The following SLC28A1 variants were observed in gnomAD, a reference collection of about 807,000 sequenced individuals.
SLC28A1 encodes the protein solute carrier family 28 member 1, also known as sodium/nucleoside cotransporter 1.
SLC28A1 carries 64 observed loss-of-function variants against 74.8 expected under a neutral mutation model. The observed-to-expected ratio is 0.86, with a 90% CI of 0.70 to 1.05. SLC28A1 has a LOEUF of 1.05. Among genes scored for constraint, SLC28A1 ranks in the 50% least tolerant of loss-of-function variants. The pLI is 0.00. For synonymous variants in SLC28A1, 359 were observed against 335.0 expected, an observed-to-expected ratio of 1.07 and a Z score of -0.78; for missense variants, 828 against 822.8, an observed-to-expected ratio of 1.01 and a Z score of -0.08.
At chr15:84,907,489 T>A (rs879668066) in intron 8 of SLC28A1, among the ~76,000 whole-genome samples, 5 of 152,074 alleles carry the variant, frequency 3.3e-5, no homozygotes, top group Admixed American at 6.5e-5. Context: ...TGGCCTTTTT[T>A]TAATTTTAGT....
At chr15:84,961,055 C>G in the SLC28A1 span, among the ~76,000 whole-genome samples, 1 of 152,070 alleles carries the variant, frequency 6.6e-6, no homozygotes, top group Non-Finnish European at 1.5e-5. Flanking sequence ...TGTGTGTCCT[C>G]GGGCAAGATA....
rs969380759 is a variant in SLC28A1, at chr15:84,895,500, T to A, written c.461+377T>A. ...GGGGATTCAGCAGGCTCGATCGGGG[T>A]CCAGGTGCTGGTATTTTTCATTAGC... On this transcript the variant is annotated intron_variant, in intron 6 of 18. Coordinates refer to ENST00000394573, the MANE Select transcript of SLC28A1 (RefSeq NM_004213.5). 3.5e-5 allele frequency: 55 copies of A among 1,590,166 alleles called. 1 individual carries two copies. The highest frequency in any genetic ancestry group is 2.1e-4 in the Middle Eastern group (1 of 4,718).
intron 9 of SLC28A1, among the ~76,000 whole-genome samples, chr15:84,911,241 G>T: frequency 6.6e-6 from 1 of 152,194 alleles, no homozygotes; most frequent in East Asian, 1.9e-4. Context: ...TCCCTCTCTG[G>T]AAGGATGTGT....
intron 15 of SLC28A1, 149 bp downstream of exon 15, chr15:84,935,667 AC>A: frequency 1.4e-6 from 1 of 689,662 alleles, no homozygotes; most frequent in Non-Finnish European, 2.5e-6. Flanking sequence ...GTCCTGGGAG[AC>A]AGGACAGCTT....
At chr15:84,887,447 G>A (rs1373989683) in intron 2 of SLC28A1, 1 of 975,310 alleles carries the variant, frequency 1.0e-6, no homozygotes, top group Admixed American at 6.1e-5. Context: ...ACTTTGGGAG[G>A]CTGAGGTGGG....
chr15:84,907,182 C>A (rs2141810699), intron 8 of SLC28A1, among the ~76,000 whole-genome samples: 1 of 152,296 alleles, frequency 6.6e-6, no homozygotes, highest in East Asian at 1.9e-4. Context: ...TTAGTTTTGA[C>A]TTGTGATGTG....
At chr15:84,917,047 A>C (rs1469220891) in intron 9 of SLC28A1, among the ~76,000 whole-genome samples, 1 of 151,390 alleles carries the variant, frequency 6.6e-6, no homozygotes. Flanking sequence ...AAAATAAATA[A>C]AAAAGGTAGG....
At chr15:84,939,752 A>T (rs1567187158) in intron 15 of SLC28A1, 1 of 152,342 alleles carries the variant, frequency 6.6e-6, no homozygotes, top group Non-Finnish European at 1.5e-5. Flanking sequence ...TAATTAAAAA[A>T]ATTGTATTTA....
chr15:84,970,674 C>T, the SLC28A1 span, among the ~76,000 whole-genome samples: 6 of 152,060 alleles, frequency 3.9e-5, no homozygotes, highest in Non-Finnish European at 5.9e-5. Context: ...AACTAAGAAT[C>T]TGATTCTCTG....
At chr15:84,952,111 A>C in the SLC28A1 span, among the ~76,000 whole-genome samples, 1 of 152,164 alleles carries the variant, frequency 6.6e-6, no homozygotes, top group African/African-American at 2.4e-5. Flanking sequence ...GAAGAACAGC[A>C]AGGAACTAGA....
intron 15 of SLC28A1, chr15:84,940,440 GGAAT>G (rs1214625979): frequency 6.6e-6 from 1 of 152,182 alleles, no homozygotes; most frequent in Non-Finnish European, 1.5e-5. Context: ...TTCTTTAAAA[GGAAT>G]GAATTTAGTG....
At chr15:84,908,440 T>C (rs944393183) in intron 8 of SLC28A1, among the ~76,000 whole-genome samples, 1 of 152,104 alleles carries the variant, frequency 6.6e-6, no homozygotes, top group African/African-American at 2.4e-5. Context: ...TGCCTCAGCC[T>C]CCCAAAGTGC....
At chr15:84,897,464 G>A (rs1328418415) in intron 6 of SLC28A1, among the ~76,000 whole-genome samples, 2 of 152,120 alleles carry the variant, frequency 1.3e-5, no homozygotes, top group Admixed American at 1.3e-4. Flanking sequence ...TTATTAGATT[G>A]GTGCAGAAGT....
chr15:84,964,537 A>G, the SLC28A1 span, among the ~76,000 whole-genome samples: 1 of 152,234 alleles, frequency 6.6e-6, no homozygotes, highest in African/African-American at 2.4e-5. Flanking sequence ...GGTTTACATG[A>G]TGTGAGATTT....
the SLC28A1 span, among the ~76,000 whole-genome samples, chr15:84,968,414 C>CTGT: frequency 6.6e-6 from 1 of 152,198 alleles, no homozygotes; most frequent in South Asian, 2.1e-4. Context: ...ACTCACAAGG[C>CTGT]TGTTGACAGA....
In SLC28A1 at chr15:84,928,599, TTTCTTTTCTTTCTTTCTTTTCTTTC is replaced by T. The variant is rs1567172656; in HGVS notation, c.1083+4492_1083+4516del. On this transcript the variant is annotated intron_variant, in intron 12 of 18. Coordinates refer to ENST00000394573, the MANE Select transcript of SLC28A1 (RefSeq NM_004213.5). ...CTTTCTTTCTTTCTTTCTTTCTTTC[TTTCTTTTCTTTCTTTCTTTTCTTTC>T]TTTCTTTCTTTTTTTTTGAGACAGA... Among the ~76,000 whole-genome samples, 3 of 15,642 alleles carry T rather than the reference TTTCTTTTCTTTCTTTCTTTTCTTTC, an allele frequency of 1.9e-4. 1 individual carries two copies. The allele number at this position is 15,642 out of a possible 152,430, so 10.3% of individuals were successfully genotyped here. A position where few individuals can be genotyped will look rare whatever the true frequency, so the allele number is the denominator to read the frequency against.
At chr15:84,937,197 A>G (rs1030145053) in intron 15 of SLC28A1, among the ~76,000 whole-genome samples, 1 of 151,814 alleles carries the variant, frequency 6.6e-6, no homozygotes, top group East Asian at 1.9e-4. Context: ...GTGTCCTAAC[A>G]TATTTACCCA....
intron 6 of SLC28A1, among the ~76,000 whole-genome samples, chr15:84,901,275 G>T (rs1318888395): frequency 6.6e-6 from 1 of 152,218 alleles, no homozygotes; most frequent in East Asian, 1.9e-4. Context: ...GGAGGCCAAG[G>T]GTGGGTGGAT....
At chr15:84,954,755 T>C in the SLC28A1 span, among the ~76,000 whole-genome samples, 7 of 152,216 alleles carry the variant, frequency 4.6e-5, no homozygotes, top group African/African-American at 1.4e-4. Flanking sequence ...TAAAATACTT[T>C]ACATTATTTT....
Sources: gnomAD v4.1 joint callset for allele counts (sites outside exome capture counted in the v4.1 genomes callset) on GRCh38, gnomAD v4.1.1 for gene constraint, MANE v1.5 for transcripts, NCBI Gene and HGNC (gene_info 2026-07-23, HGNC 2026-07-21) for gene names.